TENM3: variants seen among roughly 807,000 people sequenced by gnomAD.
TENM3 encodes the protein teneurin transmembrane protein 3, also known as teneurin-3.
Under a neutral mutation model 255.1 loss-of-function variants are expected in TENM3, and 63 were observed. That is an observed-to-expected ratio of 0.25 (90% CI 0.20 to 0.30). The LOEUF (loss-of-function observed/expected upper bound fraction) is 0.30, where lower values mean the gene tolerates loss of function less well. Among genes scored for constraint, TENM3 ranks in the 10% least tolerant of loss-of-function variants. The probability of loss-of-function intolerance (pLI) is 1.00; values close to 1 mark genes in which losing one functional copy is unlikely to be tolerated. For missense variants in TENM3, 2,929 were observed against 3,461.1 expected, an observed-to-expected ratio of 0.85 and a Z score of 3.86; for synonymous variants, 1,306 against 1,322.3, an observed-to-expected ratio of 0.99 and a Z score of 0.27.
At chr4:182,264,490 TAA>T (rs1344119317) in intron 1 of TENM3, among the ~76,000 whole-genome samples, 1 of 152,220 alleles carries the variant, frequency 6.6e-6, no homozygotes, top group African/African-American at 2.4e-5. Flanking sequence ...ATTAAATAGT[TAA>T]AAGTCTTTGC....
chr4:182,124,919 G>A, the TENM3 span, among the ~76,000 whole-genome samples: 310 of 150,652 alleles, frequency 2.1e-3, 1 homozygote, highest in African/African-American at 7.4e-3. Flanking sequence ...ATTGCCCAGC[G>A]CATCCACGCT....
the TENM3 span, among the ~76,000 whole-genome samples, chr4:181,639,585 CA>C: frequency 1.3e-5 from 2 of 152,116 alleles, no homozygotes; most frequent in Non-Finnish European, 2.9e-5. Context: ...ACTAAAAATA[CA>C]AAAATTGGCC....
In TENM3 at chr4:182,664,473, A is replaced by G. The variant is rs185693178; in HGVS notation, c.1112-8532A>G. Among the ~76,000 whole-genome samples, 13 of 152,272 alleles carry G rather than the reference A, an allele frequency of 8.5e-5. No individual in the cohort carries two copies. The East Asian group carries it at 1.3e-3, about 16-fold the overall frequency. ...ACAAAACAGTATTGAAATTAGGCCA[A>G]TCAATAACCCTACAGTGGCCTCTAA... On this transcript the variant is annotated intron_variant, in intron 6 of 27. Coordinates refer to ENST00000511685, the MANE Select transcript of TENM3 (RefSeq NM_001080477.4).
the TENM3 span, among the ~76,000 whole-genome samples, chr4:182,005,267 G>A: frequency 6.6e-5 from 10 of 152,034 alleles, no homozygotes; most frequent in Admixed American, 1.3e-4. Flanking sequence ...GAAGGGGTCC[G>A]GTTTCAGTTT....
At chr4:181,939,716 C>T in the TENM3 span, among the ~76,000 whole-genome samples, 1 of 152,190 alleles carries the variant, frequency 6.6e-6, no homozygotes, top group Non-Finnish European at 1.5e-5. Context: ...GTGCGGGGCG[C>T]TCAGCACATG....
intron 3 of TENM3, among the ~76,000 whole-genome samples, chr4:182,492,234 T>C (rs1187781811): frequency 6.6e-6 from 1 of 152,182 alleles, no homozygotes. Flanking sequence ...GTTAAAATTG[T>C]GCAAGTGGTT....
At chr4:182,240,782 G>A (rs1300648896), upstream of TENM3, among the ~76,000 whole-genome samples, 1 of 152,168 alleles carries the variant, frequency 6.6e-6, no homozygotes, top group African/African-American at 2.4e-5. Context: ...CAGGGAGACA[G>A]TAAGGGCCTG....
chr4:181,701,306 A>G, the TENM3 span, among the ~76,000 whole-genome samples: 1 of 152,216 alleles, frequency 6.6e-6, no homozygotes, highest in South Asian at 2.1e-4. Context: ...GTGATTCGCA[A>G]CACTCAGTGC....
chr4:181,920,196 G>A, the TENM3 span, among the ~76,000 whole-genome samples: 1 of 151,928 alleles, frequency 6.6e-6, no homozygotes, highest in Non-Finnish European at 1.5e-5. Context: ...ATAAACATAC[G>A]TGTGCATATG....
At chr4:181,808,237 T>C in the TENM3 span, among the ~76,000 whole-genome samples, 1 of 152,166 alleles carries the variant, frequency 6.6e-6, no homozygotes, top group East Asian at 1.9e-4. Flanking sequence ...CATAGCAAAA[T>C]CAATATGCTA....
the TENM3 span, among the ~76,000 whole-genome samples, chr4:181,887,333 G>A: frequency 7.9e-5 from 12 of 152,024 alleles, no homozygotes; most frequent in African/African-American, 2.7e-4. Context: ...TATTTACAAG[G>A]CTGTTAATGT....
chr4:181,982,621 T>G, the TENM3 span, among the ~76,000 whole-genome samples: 27 of 152,250 alleles, frequency 1.8e-4, no homozygotes, highest in Middle Eastern at 3.4e-3. Context: ...CTGAAAGAGT[T>G]AATGCGGCTC....
chr4:181,461,826 C>T, the TENM3 span, among the ~76,000 whole-genome samples: 2 of 152,084 alleles, frequency 1.3e-5, no homozygotes, highest in African/African-American at 2.4e-5. Flanking sequence ...CGGATAATTC[C>T]ATCCTCTCTC....
chr4:182,068,849 T>C, the TENM3 span, among the ~76,000 whole-genome samples: 61 of 152,036 alleles, frequency 4.0e-4, no homozygotes, highest in Non-Finnish European at 6.8e-4. Context: ...ATGATCAAGA[T>C]TAAAACTTAA....
At chr4:181,632,487 TAAGTA>T in the TENM3 span, among the ~76,000 whole-genome samples, 1 of 152,182 alleles carries the variant, frequency 6.6e-6, no homozygotes, top group Admixed American at 6.5e-5. Flanking sequence ...TTGCAAATAT[TAAGTA>T]AACCAGTTTT....
intron 1 of TENM3, among the ~76,000 whole-genome samples, chr4:182,202,740 A>G (rs1021418581): frequency 3.9e-5 from 6 of 152,180 alleles, no homozygotes. Context: ...AGAGAGAGAG[A>G]GTGCCCATGA....
chr4:182,444,864 G>A (rs561976500), intron 3 of TENM3, among the ~76,000 whole-genome samples: 7 of 152,212 alleles, frequency 4.6e-5, no homozygotes, highest in East Asian at 1.9e-4. Flanking sequence ...GCAATGGCGC[G>A]ATCTGGGCTC....
At chr4:182,624,922 C>T (rs1259125656) in intron 4 of TENM3, among the ~76,000 whole-genome samples, 3 of 152,060 alleles carry the variant, frequency 2.0e-5, no homozygotes, top group South Asian at 2.1e-4. Flanking sequence ...AATGATAATA[C>T]GTGGTAATAC....
chr4:182,610,991 C>T (rs1748946065), intron 4 of TENM3, among the ~76,000 whole-genome samples: 1 of 150,952 alleles, frequency 6.6e-6, no homozygotes, highest in Non-Finnish European at 1.5e-5. Context: ...ATGTGATGCT[C>T]TCACCTCAGC....
Sources: gnomAD v4.1 joint callset for allele counts (sites outside exome capture counted in the v4.1 genomes callset) on GRCh38, gnomAD v4.1.1 for gene constraint, MANE v1.5 for transcripts, NCBI Gene and HGNC (gene_info 2026-07-23, HGNC 2026-07-21) for gene names.